The following SKOR2 variants were observed in gnomAD, a reference collection of about 807,000 sequenced individuals.
SKOR2 encodes LBX1 corepressor 1-like protein.
A neutral mutation model predicts 69.1 loss-of-function variants in SKOR2; 47 were observed. That is an observed-to-expected ratio of 0.68 (90% CI 0.54 to 0.87). The LOEUF is 0.87. Ranked by LOEUF, SKOR2 falls within the 40% of genes least tolerant of loss-of-function variation. SKOR2 has a pLI of 0.00. For missense variants in SKOR2, 1,404 were observed against 1,472.2 expected, an observed-to-expected ratio of 0.95 and a Z score of 0.76; for synonymous variants, 717 against 672.6, an observed-to-expected ratio of 1.07 and a Z score of -1.02.
At chr18:47,243,654 G>A (rs1399853910) in intron 4 of SKOR2, among the ~76,000 whole-genome samples, 2 of 152,160 alleles carry the variant, frequency 1.3e-5, no homozygotes, top group Non-Finnish European at 2.9e-5. Flanking sequence ...TGACTTTAGA[G>A]TGTAACAGGA....
chr18:47,242,921 T>C (rs1024855164), intron 4 of SKOR2, among the ~76,000 whole-genome samples: 1 of 152,206 alleles, frequency 6.6e-6, no homozygotes, highest in Non-Finnish European at 1.5e-5. Flanking sequence ...TGCCTCTGAA[T>C]GGGTCATGTT....
intron 1 of SKOR2, among the ~76,000 whole-genome samples, chr18:47,250,676 T>G (rs1037894422): frequency 2.0e-4 from 30 of 152,182 alleles, no homozygotes; most frequent in African/African-American, 7.2e-4. Context: ...TGCTGCCCCC[T>G]GGATCCTCAG....
chr18:47,227,185 T>C (rs1254195949), intron 6 of SKOR2, among the ~76,000 whole-genome samples: 1 of 151,906 alleles, frequency 6.6e-6, no homozygotes, highest in East Asian at 1.9e-4. Flanking sequence ...CTCTTCCTCC[T>C]CCTTCTCCTT....
At position 47,248,932 on chromosome 18, in the gene SKOR2, G is replaced by C. The variant is rs756230351; in HGVS notation, c.252C>G (p.Arg84=). ...GCACACACGTGATGCCCAGTGCCACGCGACGGTTGTGGATCTCGTTGTAGC... is the reference window on the plus strand; with the variant it reads ...GCACACACGTGATGCCCAGTGCCACCCGACGGTTGTGGATCTCGTTGTAGC... ...NFSYNEIHNR[R]VALGITCVQC... The change falls in exon 2 of 9, where the codon CGC becomes CGG. Residue 84 remains arginine, a synonymous_variant. Transcript: ENST00000425639. This position sits in a 1 kb window ranked among gnomAD's most constrained non-coding sequence, Gnocchi z 6.4. 1.0e-5 allele frequency: 16 copies of C among 1,575,516 alleles called. No individual in the cohort carries two copies. The East Asian group carries it at 3.2e-4, about 31-fold the overall frequency.
In SKOR2 at chr18:47,246,568, T is replaced by C; in HGVS notation, c.2613+3A>G. ...CTTGAAGGAGCCTAAAGGGGATATT[T>C]ACATCTTTGTAGGAGGGCTGCTCCT... On this transcript the variant is annotated splice_donor_region_variant and intron_variant, in intron 2 of 8. Transcript: ENST00000425639. 4 of 1,514,242 alleles carry C rather than the reference T, an allele frequency of 2.6e-6. No homozygotes were observed. The highest frequency in any genetic ancestry group is 3.5e-6 in the Non-Finnish European group (4 of 1,138,596). 93.8% of individuals were successfully genotyped at this position (1,514,242 alleles called of 1,614,324 possible). A position where few individuals can be genotyped will look rare whatever the true frequency, so the allele number is the denominator to read the frequency against.
chr18:47,247,593 GC>G lies in SKOR2; in HGVS notation c.1590del (p.Gln531SerfsTer5). Reference protein sequence around the residue: ...AGSAEAAPPPGQPPQVVANGP... With the variant: ...AGSAEAAPPPXQPPQVVANGP... ...CCGTTGGCCACTACCTGCGGGGGCT[GC>G]CCCGGCGGGGGCGCGGCCTCGGCGC... is the stretch of plus-strand genomic sequence containing the variant. On this transcript the variant is annotated frameshift_variant, in exon 2 of 9. Transcript: ENST00000425639. LOFTEE classifies it high-confidence loss of function. The surrounding 1 kb of genome is among the most constrained non-coding windows in gnomAD (Gnocchi z 6.6). The G allele has an allele frequency of 7.9e-7, 1 of 1,266,558 alleles. No homozygotes were observed. The highest frequency in any genetic ancestry group is 9.9e-7 in the Non-Finnish European group (1 of 1,008,800). 78.5% of individuals were successfully genotyped at this position (1,266,558 alleles called of 1,614,324 possible). A position where few individuals can be genotyped will look rare whatever the true frequency, so the allele number is the denominator to read the frequency against.
At position 47,248,183 on chromosome 18, in the gene SKOR2, G is replaced by A; in HGVS notation, c.1001C>T (p.Ala334Val). Residue 334 changes from alanine to valine, a missense_variant, in exon 2 of 9, where the codon GCC (alanine) becomes GTC (valine). Physicochemically the swap from Ala to Val is moderately conservative, Grantham distance 64. Around this residue, in one of 3 missense-constraint regions of SKOR2, gnomAD observed 1,266 missense variants for 1,309.9 expected, o/e 0.97. Coordinates refer to ENST00000425639, the MANE Select transcript of SKOR2 (RefSeq NM_001278063.4). The surrounding 1 kb of genome is among the most constrained non-coding windows in gnomAD (Gnocchi z 6.4). ...VAAASLSAAA[A>V]SLSVAAASGG... ...CGAAGCAGCAGCCACAGAGAGGCTG[G>A]CGGCTGCGGCCGAGAGGCTGGCGGC... 8.1e-7 allele frequency: 1 copy of A among 1,233,564 alleles called. No homozygotes were observed. Among genetic ancestry groups the A allele is most frequent in the Non-Finnish European group, 1.0e-6 (1 of 991,232 alleles). 76.4% of individuals were successfully genotyped at this position (1,233,564 alleles called of 1,614,324 possible).
chr18:47,245,707 T>C, intron 2 of SKOR2, 146 bp from the exon 3 acceptor site: 1 of 659,444 alleles, frequency 1.5e-6, no homozygotes, highest in Non-Finnish European at 2.4e-6. Context: ...CTTTGAATAC[T>C]TTTTTACTTA....
chr18:47,241,129 G>A (rs568362642), intron 4 of SKOR2, among the ~76,000 whole-genome samples: 40 of 152,214 alleles, frequency 2.6e-4, no homozygotes, highest in East Asian at 9.6e-4. Context: ...GCAGGGACTC[G>A]TATTGATTTC....
intron 4 of SKOR2, 61 bp from the exon 5 acceptor site, chr18:47,231,061 T>C (rs542216648): frequency 2.0e-6 from 3 of 1,534,866 alleles, no homozygotes; most frequent in South Asian, 1.2e-5. Flanking sequence ...TAAGTTTTCC[T>C]TTACATTTTC....
chr18:47,221,651 C>T (rs2064161727), intron 6 of SKOR2, among the ~76,000 whole-genome samples: 2 of 151,900 alleles, frequency 1.3e-5, no homozygotes, highest in South Asian at 2.1e-4. Context: ...ATTCTGCAGC[C>T]CCTCCTGCCA....
chr18:47,219,308 G>A (rs1297706736), intron 7 of SKOR2, among the ~76,000 whole-genome samples: 5 of 152,144 alleles, frequency 3.3e-5, no homozygotes, highest in African/African-American at 1.2e-4. Context: ...AGTACTAGAT[G>A]TATCTACATG....
chr18:47,226,963 G>A (rs1257582629), intron 6 of SKOR2, among the ~76,000 whole-genome samples: 2 of 152,188 alleles, frequency 1.3e-5, no homozygotes, highest in Admixed American at 6.5e-5. Flanking sequence ...TGCCTCTGCT[G>A]TAATGGCAAA....
chr18:47,250,229 A>G (rs2064306570), intron 1 of SKOR2, among the ~76,000 whole-genome samples: 1 of 152,214 alleles, frequency 6.6e-6, no homozygotes, highest in Admixed American at 6.5e-5. Context: ...CCCACCATAC[A>G]GCCAATCGGT....
chr18:47,216,637 A>G (rs1277697842), intron 7 of SKOR2, among the ~76,000 whole-genome samples: 2 of 152,232 alleles, frequency 1.3e-5, no homozygotes, highest in East Asian at 3.8e-4. Flanking sequence ...TTCTATGGCA[A>G]TGATACCCAA....
chr18:47,216,083 G>T (rs1013068984), intron 7 of SKOR2, among the ~76,000 whole-genome samples: 1 of 152,140 alleles, frequency 6.6e-6, no homozygotes, highest in African/African-American at 2.4e-5. Context: ...AAAATCTTCA[G>T]TCAGCTTCTT....
At chr18:47,217,253 G>A (rs1446178136) in intron 7 of SKOR2, among the ~76,000 whole-genome samples, 1 of 152,174 alleles carries the variant, frequency 6.6e-6, no homozygotes, top group Non-Finnish European at 1.5e-5. Flanking sequence ...CATTGGCATA[G>A]CATATTATGG....
intron 8 of SKOR2, among the ~76,000 whole-genome samples, chr18:47,209,712 T>C (rs2064122269): frequency 6.6e-6 from 1 of 152,076 alleles, no homozygotes; most frequent in African/African-American, 2.4e-5. Context: ...AATTTGTAGG[T>C]GCAAAATGGG....
intron 4 of SKOR2, chr18:47,231,271 A>C: frequency 1.8e-6 from 2 of 1,081,350 alleles, no homozygotes; most frequent in Non-Finnish European, 2.6e-6. Flanking sequence ...CCAACCCCCT[A>C]CCGCCATCCA....
Sources: gnomAD v4.1 joint callset for allele counts (sites outside exome capture counted in the v4.1 genomes callset) on GRCh38, gnomAD v4.1.1 for gene constraint, gnomAD v4.1.1 regional missense constraint, Gnocchi (gnomAD v3.1) non-coding constraint, MANE v1.5 for transcripts, NCBI Gene and HGNC (gene_info 2026-07-23, HGNC 2026-07-21) for gene names.